C5: variants seen among roughly 807,000 people sequenced by gnomAD.
The protein encoded by C5 is C3 and PZP-like alpha-2-macroglobulin domain-containing protein 4.
In C5, 140 loss-of-function variants were observed where a neutral mutation model predicts 218.8. The ratio of observed to expected loss-of-function variants is 0.64; its 90% CI spans 0.56 to 0.74. C5 has a LOEUF of 0.74. C5 is among the 30% of genes least tolerant of loss of function. The pLI, the probability that C5 is intolerant of heterozygous loss-of-function variation, is 0.00. For synonymous variants in C5, 614 were observed against 682.3 expected (o/e 0.90, Z 1.56); for missense variants, 1,700 against 1,969.6 (o/e 0.86, Z 2.59).
rs2047307518 is a variant in C5 at position 121,016,393 on chromosome 9, A to G, written c.1867-10T>C. The G allele has an allele frequency of 1.2e-6, 2 of 1,613,816 alleles. No homozygotes were observed. Among genetic ancestry groups the G allele is most frequent in the South Asian group, 2.2e-5 (2 of 91,090 alleles). On this transcript the variant is annotated splice_polypyrimidine_tract_variant and intron_variant, in intron 14 of 40. Coordinates refer to ENST00000223642, the MANE Select transcript of C5 (RefSeq NM_001735.3). ...CTAAGAATTGAAATACCTGTCCAGA[A>G]AGGCAAAATGTTGAGCACATTGAGA...
intron 21 of C5, among the ~76,000 whole-genome samples, chr9:120,997,248 T>A (rs2047124244): frequency 6.6e-6 from 1 of 152,204 alleles, no homozygotes; most frequent in Non-Finnish European, 1.5e-5. Flanking sequence ...GTGTACCAAT[T>A]GTTAAAATTA....
chr9:120,959,489 G>C (rs1162281746), intron 38 of C5, among the ~76,000 whole-genome samples: 2 of 151,320 alleles, frequency 1.3e-5, no homozygotes, highest in Non-Finnish European at 3.0e-5. Flanking sequence ...TCAAACTCCT[G>C]ACCTCAGGTG....
chr9:121,028,819 C>A (rs966793853), intron 7 of C5, among the ~76,000 whole-genome samples: 1 of 152,002 alleles, frequency 6.6e-6, no homozygotes, highest in Admixed American at 6.6e-5. Flanking sequence ...TGTACATGTA[C>A]CCTAGAACTT....
At chr9:120,965,727 C>G (rs1436576813) in intron 33 of C5, among the ~76,000 whole-genome samples, 1 of 152,114 alleles carries the variant, frequency 6.6e-6, no homozygotes, top group Non-Finnish European at 1.5e-5. Context: ...GAACATCTCC[C>G]TAATTGGATG....
chr9:121,074,813 C>T, the C5 span: 12 of 455,864 alleles, frequency 2.6e-5, no homozygotes, highest in East Asian at 6.9e-4. Context: ...GGCCGGAAGC[C>T]TCGCGCCCAA....
rs1390848364 is a variant in C5, at chr9:120,970,253, T to A, written c.4081-2A>T. 6.2e-7 allele frequency: 1 copy of A among 1,602,282 alleles called. No individual in the cohort carries two copies. Among genetic ancestry groups the A allele is most frequent in the Admixed American group, 1.7e-5 (1 of 60,002 alleles). On this transcript the variant is annotated splice_acceptor_variant, in intron 31 of 40. Transcript: ENST00000223642. LOFTEE classifies it high-confidence loss of function. ...GGTTTTGTGAACTACAGTTGTTACC[T>A]ACATTGGGGACAAGTAAGCAAGAAG... is the stretch of plus-strand genomic sequence containing the variant.
At chr9:120,986,954 C>T (rs2047037353) in intron 25 of C5, among the ~76,000 whole-genome samples, 1 of 151,996 alleles carries the variant, frequency 6.6e-6, no homozygotes, top group Non-Finnish European at 1.5e-5. Flanking sequence ...AGACCTAATC[C>T]TAAGGTATAA....
At chr9:120,971,704 TG>T (rs1476115366) in intron 31 of C5, among the ~76,000 whole-genome samples, 1 of 152,226 alleles carries the variant, frequency 6.6e-6, no homozygotes, top group South Asian at 2.1e-4. Flanking sequence ...CCCAAAGTGC[TG>T]GGATTAAAGG....
chr9:120,992,488 T>C (rs1211633925), intron 22 of C5, among the ~76,000 whole-genome samples: 1 of 152,222 alleles, frequency 6.6e-6, no homozygotes, highest in Non-Finnish European at 1.5e-5. Context: ...GAGCCTGGCA[T>C]ACAATTCATG....
intron 17 of C5, 129 bp downstream of exon 17, chr9:121,013,744 G>A: frequency 2.3e-6 from 2 of 857,246 alleles, no homozygotes. Context: ...TTTTTCTTAT[G>A]GACATTTACA....
chr9:121,054,764 A>G (rs531596802), upstream of C5, among the ~76,000 whole-genome samples: 44 of 152,310 alleles, frequency 2.9e-4, no homozygotes, highest in African/African-American at 9.1e-4. Flanking sequence ...CTGCAAAGCT[A>G]TCTTTTGTGA....
intron 8 of C5, 38 bp from the exon 9 acceptor site, chr9:121,025,618 A>G (rs1421317911): frequency 6.3e-7 from 1 of 1,590,370 alleles, no homozygotes; most frequent in East Asian, 2.2e-5. Flanking sequence ...TATTTCGGAG[A>G]AGAACTTATA....
At chr9:121,016,645 T>C (rs1008883404) in intron 14 of C5, among the ~76,000 whole-genome samples, 1 of 152,236 alleles carries the variant, frequency 6.6e-6, no homozygotes, top group Admixed American at 6.5e-5. Context: ...GAAACTGATA[T>C]ATAGTGTTTT....
At chr9:121,002,205 TG>T in intron 20 of C5, among the ~76,000 whole-genome samples, 1 of 87,436 alleles carries the variant, frequency 1.1e-5, no homozygotes, top group East Asian at 5.2e-4. Context: ...TACGTATATA[TG>T]TATATATACG....
the C5 span, among the ~76,000 whole-genome samples, chr9:121,065,045 G>A: frequency 6.7e-6 from 1 of 150,060 alleles, no homozygotes; most frequent in Admixed American, 6.7e-5. Context: ...ACTGCAGCCT[G>A]GGTGACAGAG....
intron 28 of C5, chr9:120,979,831 A>C (rs528843854): frequency 4.5e-6 from 2 of 441,792 alleles, no homozygotes; most frequent in Admixed American, 3.4e-5. Flanking sequence ...GTGAGCCACG[A>C]TCATGCCACT....
chr9:121,013,332 A>T (rs1173900501), intron 17 of C5, among the ~76,000 whole-genome samples: 1 of 151,964 alleles, frequency 6.6e-6, no homozygotes, highest in Non-Finnish European at 1.5e-5. Context: ...AAAAAAAAAA[A>T]AAAGACTATA....
At chr9:120,979,464 T>A (rs1444812107) in intron 28 of C5, 1 of 152,496 alleles carries the variant, frequency 6.6e-6, no homozygotes, top group Non-Finnish European at 1.5e-5. Context: ...GAATTTAAGT[T>A]TCATGATGGC....
the C5 span, among the ~76,000 whole-genome samples, chr9:121,070,384 GATATATATATATATAT>G: frequency 0.43 from 31,486 of 73,022 alleles, 5,964 homozygotes; most frequent in South Asian, 0.61. Flanking sequence ...AAGGAAGGGT[GATATATATATATATAT>G]ATATATATAT....
Sources: gnomAD v4.1 joint callset for allele counts (sites outside exome capture counted in the v4.1 genomes callset) on GRCh38, gnomAD v4.1.1 for gene constraint, MANE v1.5 for transcripts, NCBI Gene and HGNC (gene_info 2026-07-23, HGNC 2026-07-21) for gene names.